The following FREM1 variants were observed in gnomAD, a reference collection of about 807,000 sequenced individuals.
The protein encoded by FREM1 is FRAS1-related extracellular matrix protein 1.
FREM1 carries 220 observed loss-of-function variants against 210.1 expected under a neutral mutation model. The observed-to-expected ratio is 1.05, with a 90% CI of 0.94 to 1.17. The LOEUF (loss-of-function observed/expected upper bound fraction) is 1.17, where lower values mean the gene tolerates loss of function less well. Among genes scored for constraint, FREM1 ranks in the 50% most tolerant of loss-of-function variants. The pLI is 0.00. For synonymous variants in FREM1, 1,189 were observed against 980.2 expected (o/e 1.21, Z -3.98); for missense variants, 3,454 against 2,675.5 (o/e 1.29, Z -6.42).
intron 24 of FREM1, among the ~76,000 whole-genome samples, chr9:14,781,311 A>G (rs918664108): frequency 1.3e-5 from 2 of 152,206 alleles, no homozygotes; most frequent in Non-Finnish European, 2.9e-5. Flanking sequence ...TAGCTTTCCT[A>G]TGTGTAAATA....
At chr9:14,907,385 C>A (rs967457020) in intron 1 of FREM1, among the ~76,000 whole-genome samples, 8 of 152,108 alleles carry the variant, frequency 5.3e-5, no homozygotes, top group Admixed American at 3.3e-4. Flanking sequence ...TTTCGCTCGG[C>A]CCCTCAAAGA....
Position 14,798,751 on chromosome 9 carries a change from A to G in FREM1, c.3695-1109T>C, listed in dbSNP as rs559115491. On this transcript the variant is annotated intron_variant, in intron 20 of 36. Coordinates refer to ENST00000380880, the MANE Select transcript of FREM1 (RefSeq NM_001379081.2). ...TGCAGTGACATGATATTGGCTCACT[A>G]CAACATCTACCTCCTGGGTTCAAGC... Among the ~76,000 whole-genome samples the G allele has an allele frequency of 4.6e-5, 7 of 152,184 alleles. No homozygotes were observed. The East Asian group carries it at 1.4e-3, about 30-fold the overall frequency.
At chr9:14,861,072 T>C (rs868708410) in intron 3 of FREM1, among the ~76,000 whole-genome samples, 2,166 of 84,766 alleles carry the variant, frequency 0.026, 225 homozygotes, top group African/African-American at 0.061. Context: ...CACATATACA[T>C]ATATACATAT....
At chr9:14,767,786 C>A (rs1437047860) in intron 27 of FREM1, among the ~76,000 whole-genome samples, 1 of 152,078 alleles carries the variant, frequency 6.6e-6, no homozygotes, top group African/African-American at 2.4e-5. Context: ...ACCCCCCCAT[C>A]GCTTATAAAG....
rs543120481 is a variant in FREM1 at position 14,796,979 on chromosome 9, G to C, written c.3839+519C>G. Among the ~76,000 whole-genome samples the C allele has an allele frequency of 2.0e-5, 3 of 152,260 alleles. No individual in the cohort carries two copies. In the South Asian group the frequency reaches 6.2e-4, roughly 32 times the overall value. On this transcript the variant is annotated intron_variant, in intron 21 of 36. Transcript: ENST00000380880. ...TGATGATTTCGATGTGAGGCGGGAG[G>C]GGGTGTTGACCCATATGGAACACAG...
intron 3 of FREM1, among the ~76,000 whole-genome samples, chr9:14,860,705 A>G (rs189406541): frequency 1.3e-5 from 1 of 79,642 alleles, no homozygotes; most frequent in African/African-American, 6.5e-5. Flanking sequence ...ACACATATAT[A>G]CACACATATA....
rs1352930508 is a variant in FREM1, at chr9:14,860,560, C to CATATATATATACACATAT, written c.330-1077_330-1076insATATGTGTATATATATAT. 4.0e-3 allele frequency among the ~76,000 whole-genome samples: 408 copies of CATATATATATACACATAT among 102,522 alleles called. 18 individuals carry two copies. Among genetic ancestry groups the CATATATATATACACATAT allele is most frequent in the Non-Finnish European group, 5.3e-3 (298 of 56,668 alleles). The allele number at this position is 102,522 out of a possible 152,430, so 67.3% of individuals were successfully genotyped here. Reference sequence around the variant, plus strand: ...ATATATATACACATATATATACACACATATATATACACATATATATACACA... The same window carrying CATATATATATACACATAT: ...ATATATATACACATATATATACACACATATATATATACACATATATATATATACACATATATATACACA... On this transcript the variant is annotated intron_variant, in intron 3 of 36. Coordinates refer to ENST00000380880, the MANE Select transcript of FREM1 (RefSeq NM_001379081.2).
At chr9:14,851,645 T>C (rs369948540) in intron 5 of FREM1, 38 bp from the exon 6 acceptor site, 461 of 1,448,114 alleles carry the variant, frequency 3.2e-4, no homozygotes, top group Non-Finnish European at 4.4e-4. Context: ...GAGGAAATAA[T>C]ATGAATGAGG....
intron 22 of FREM1, among the ~76,000 whole-genome samples, chr9:14,790,474 G>A (rs1242898611): frequency 2.6e-5 from 4 of 152,136 alleles, no homozygotes; most frequent in African/African-American, 7.2e-5. Flanking sequence ...GGTTTTAAAC[G>A]GGAAAGCCTG....
At chr9:14,770,576 G>C in intron 26 of FREM1, 29 bp downstream of exon 26, 1 of 1,549,196 alleles carries the variant, frequency 6.5e-7, no homozygotes, top group Non-Finnish European at 8.9e-7. Flanking sequence ...TTTTAAAATG[G>C]CAATTGTAAG....
Position 14,801,680 on chromosome 9 carries a change from G to T in FREM1, c.3666C>A (p.His1222Gln), listed in dbSNP as rs75281180. The T allele has an allele frequency of 6.2e-7, 1 of 1,613,594 alleles. No homozygotes were observed. The highest frequency in any genetic ancestry group is 8.5e-7 in the Non-Finnish European group (1 of 1,179,498). ...TCTTGAGGAGTTCCATGGAAAAGCT[G>T]TGAACAGGTGCATGTTTCTGGTGAG... ...ANPHQKHAPV[H>Q]SFSMELLKTG... is the part of the protein sequence containing the mutation. Residue 1222 changes from histidine to glutamine, a missense_variant, in exon 20 of 37, where the codon CAC becomes CAA. His to Gln is a conservative substitution (Grantham distance 24). Transcript: ENST00000380880.
At chr9:14,802,815 G>A (rs1234089513) in intron 19 of FREM1, among the ~76,000 whole-genome samples, 1 of 152,116 alleles carries the variant, frequency 6.6e-6, no homozygotes, top group Non-Finnish European at 1.5e-5. Context: ...AGACTGCAAA[G>A]GTCCATCAAT....
In FREM1 at chr9:14,797,487, A is replaced by C. The variant is rs200632142; in HGVS notation, c.3839+11T>G. 71 of 1,599,436 alleles carry C rather than the reference A, an allele frequency of 4.4e-5. 1 individual carries two copies. The African/African-American group carries it at 7.2e-4, about 16-fold the overall frequency. On this transcript the variant is annotated intron_variant, in intron 21 of 36. Transcript: ENST00000380880. ...TAGAAATCTGAAAGGGACTCTTTTCAGGTAGCTTACTTGCTCAGCATTGGT... is the reference window on the plus strand; with the variant it reads ...TAGAAATCTGAAAGGGACTCTTTTCCGGTAGCTTACTTGCTCAGCATTGGT...
At chr9:14,750,809 A>G (rs1207271008) in intron 29 of FREM1, among the ~76,000 whole-genome samples, 1 of 152,188 alleles carries the variant, frequency 6.6e-6, no homozygotes, top group Admixed American at 6.5e-5. Context: ...TTCTGATGAT[A>G]TAATACTCAG....
At chr9:14,748,802 TCA>T (rs1226812444) in intron 30 of FREM1, among the ~76,000 whole-genome samples, 163 bp from the exon 31 acceptor site, 1 of 152,188 alleles carries the variant, frequency 6.6e-6, no homozygotes, top group African/African-American at 2.4e-5. Flanking sequence ...TTACTCTTCA[TCA>T]GTTTACATCC....
intron 4 of FREM1, among the ~76,000 whole-genome samples, chr9:14,858,869 A>G (rs1457116787): frequency 6.6e-6 from 1 of 152,226 alleles, no homozygotes; most frequent in African/African-American, 2.4e-5. Flanking sequence ...CACTGTGTTA[A>G]GTACTGTGTG....
chr9:14,784,031 T>C (rs1041999106), intron 24 of FREM1, among the ~76,000 whole-genome samples: 7 of 152,194 alleles, frequency 4.6e-5, no homozygotes, highest in African/African-American at 1.4e-4. Flanking sequence ...GTAGCAGAAC[T>C]TGCATAAAGA....
chr9:14,883,837 A>G (rs1236709495), intron 1 of FREM1, among the ~76,000 whole-genome samples: 1 of 152,208 alleles, frequency 6.6e-6, no homozygotes, highest in Non-Finnish European at 1.5e-5. Context: ...GATTGCTAGT[A>G]TGGGCACCCT....
At chr9:14,801,615 A>C in intron 20 of FREM1, 37 bp downstream of exon 20, 2 of 1,385,272 alleles carry the variant, frequency 1.4e-6, no homozygotes, top group Non-Finnish European at 2.0e-6. Flanking sequence ...TTATTCAATC[A>C]ACAATAACAA....
Sources: allele counts gnomAD v4.1 joint callset (sites outside exome capture counted in the v4.1 genomes callset), GRCh38; gene constraint gnomAD v4.1.1; transcripts MANE v1.5; gene names NCBI Gene and HGNC (gene_info 2026-07-23, HGNC 2026-07-21).